Variants in STK3 observed in about 807,000 individuals in gnomAD.
STK3 encodes serine/threonine kinase 3.
Under a neutral mutation model 58.0 loss-of-function variants are expected in STK3, and 41 were observed. That is an observed-to-expected ratio of 0.71 (90% CI 0.55 to 0.92). The LOEUF is 0.92. Ranked by LOEUF, STK3 falls within the 40% of genes least tolerant of loss-of-function variation. The pLI, the probability that STK3 is intolerant of heterozygous loss-of-function variation, is 0.00. For synonymous variants in STK3, 170 were observed against 191.0 expected (o/e 0.89, Z 0.91); for missense variants, 479 against 602.7 (o/e 0.79, Z 2.15).
At chr8:98,524,662 G>A (rs1437020838) in intron 10 of STK3, among the ~76,000 whole-genome samples, 1 of 152,166 alleles carries the variant, frequency 6.6e-6, no homozygotes, top group African/African-American at 2.4e-5. Context: ...TTACAACCTT[G>A]TTTTCACCTT....
chr8:98,442,824 A>G (rs1818745939), intron 1 of STK3, among the ~76,000 whole-genome samples: 1 of 152,212 alleles, frequency 6.6e-6, no homozygotes, highest in Non-Finnish European at 1.5e-5. Context: ...TCAACACCTC[A>G]ACTGAGGATT....
At chr8:98,532,249 C>G (rs1826217492) in intron 9 of STK3, among the ~76,000 whole-genome samples, 1 of 152,082 alleles carries the variant, frequency 6.6e-6, no homozygotes, top group African/African-American at 2.4e-5. Context: ...CACATAGAGG[C>G]CATTGCAGGG....
Position 98,372,449 on chromosome 8 carries a change from G to A in STK3, n.112-771C>T, listed in dbSNP as rs769857210. Among the ~76,000 whole-genome samples, 14 of 152,094 alleles carry A rather than the reference G, an allele frequency of 9.2e-5. 1 individual carries two copies. Among genetic ancestry groups the A allele is most frequent in the African/African-American group, 2.7e-4 (11 of 41,418 alleles). ...CCTCCACCCACTCCTGTGAGACGAC[G>A]CAGACTTCAGCTCCAAACCCAGCTC... is the stretch of plus-strand genomic sequence containing the variant. On this transcript the variant is annotated intron_variant and non_coding_transcript_variant, in intron 2 of 2. Coordinates refer to the STK3 transcript ENST00000518704.
chr8:98,759,170 T>G (rs1005483766), intron 3 of STK3, among the ~76,000 whole-genome samples: 4 of 152,256 alleles, frequency 2.6e-5, no homozygotes, highest in Admixed American at 2.6e-4. Context: ...GCTTTCAGCT[T>G]ATTTCGGCTT....
chr8:98,862,299 C>T (rs531025698), intron 3 of STK3, among the ~76,000 whole-genome samples: 1 of 152,282 alleles, frequency 6.6e-6, no homozygotes, highest in African/African-American at 2.4e-5. Context: ...ACATTGGTTT[C>T]AAGGGTGTTA....
At chr8:98,648,218 A>G (rs1419609529) in intron 6 of STK3, among the ~76,000 whole-genome samples, 1 of 152,194 alleles carries the variant, frequency 6.6e-6, no homozygotes. Context: ...TTGTCCCCAT[A>G]TATGCTCCTT....
chr8:98,803,607 AAG>A lies in STK3; in HGVS notation c.26+21906_26+21907del, dbSNP rs1464821914. On this transcript the variant is annotated intron_variant, in intron 1 of 10. Transcript: ENST00000419617. ...AGACTCTGTTTCAAAAAAAAAAAAA[AAG>A]AAAAAAAAAGAAAAGAAATAGTAAA... is the stretch of plus-strand genomic sequence containing the variant. 2.1e-3 allele frequency among the ~76,000 whole-genome samples: 277 copies of A among 129,084 alleles called. 8 individuals carry two copies. The highest frequency in any genetic ancestry group is 0.011 in the South Asian group (47 of 4,140). 84.7% of individuals were successfully genotyped at this position (129,084 alleles called of 152,430 possible).
At chr8:98,446,804 A>T (rs1818970145) in intron 1 of STK3, among the ~76,000 whole-genome samples, 1 of 152,178 alleles carries the variant, frequency 6.6e-6, no homozygotes, top group African/African-American at 2.4e-5. Context: ...TCATTGCTGC[A>T]TCACTCACAA....
At chr8:98,807,989 T>C (rs886237277) in intron 1 of STK3, among the ~76,000 whole-genome samples, 1 of 152,180 alleles carries the variant, frequency 6.6e-6, no homozygotes, top group African/African-American at 2.4e-5. Flanking sequence ...TAGAAACAGA[T>C]TTTTAAACTG....
chr8:98,825,131 A>G (rs1291352292), intron 1 of STK3, among the ~76,000 whole-genome samples: 1 of 152,238 alleles, frequency 6.6e-6, no homozygotes, highest in Non-Finnish European at 1.5e-5. Context: ...TCTTGCATCC[A>G]TAAATACTTT....
chr8:98,714,012 A>G (rs1319289117), intron 4 of STK3, among the ~76,000 whole-genome samples: 1 of 152,222 alleles, frequency 6.6e-6, no homozygotes, highest in East Asian at 1.9e-4. Context: ...GCATATAAAC[A>G]GAACCAAAGA....
intron 4 of STK3, among the ~76,000 whole-genome samples, chr8:98,733,109 A>G (rs1828326856): frequency 6.6e-6 from 1 of 152,188 alleles, no homozygotes; most frequent in African/African-American, 2.4e-5. Flanking sequence ...CTCTTCCAAG[A>G]TGTTCTTTGC....
At chr8:98,741,728 C>G (rs979292730) in intron 4 of STK3, among the ~76,000 whole-genome samples, 5 of 151,896 alleles carry the variant, frequency 3.3e-5, no homozygotes, top group Admixed American at 6.6e-5. Context: ...TAGCAGAAGG[C>G]AAGAAATAAC....
At chr8:98,477,499 G>T (rs1278265249) in intron 10 of STK3, among the ~76,000 whole-genome samples, 2 of 151,652 alleles carry the variant, frequency 1.3e-5, no homozygotes, top group Non-Finnish European at 2.9e-5. Flanking sequence ...GAGAATTAAG[G>T]GTTCCTGAGC....
chr8:98,667,620 G>C (rs968256378), intron 6 of STK3, among the ~76,000 whole-genome samples: 1 of 151,888 alleles, frequency 6.6e-6, no homozygotes, highest in Non-Finnish European at 1.5e-5. Context: ...TGTATAAAAG[G>C]CAAGTCAAAA....
At chr8:98,871,112 A>T (rs1587780027) in intron 3 of STK3, among the ~76,000 whole-genome samples, 1 of 152,116 alleles carries the variant, frequency 6.6e-6, no homozygotes, top group African/African-American at 2.4e-5. Flanking sequence ...TCCTTTCCCC[A>T]TTTCTTGTTT....
intron 6 of STK3, among the ~76,000 whole-genome samples, chr8:98,623,487 A>G (rs1818483550): frequency 6.6e-6 from 1 of 152,242 alleles, no homozygotes; most frequent in Non-Finnish European, 1.5e-5. Context: ...GTGTACATTC[A>G]AAACCAAAGG....
At chr8:98,857,914 C>T (rs1053765286) in intron 3 of STK3, among the ~76,000 whole-genome samples, 1 of 151,662 alleles carries the variant, frequency 6.6e-6, no homozygotes, top group Non-Finnish European at 1.5e-5. Context: ...AGAAGCAAAA[C>T]TGGAGAAAGG....
chr8:98,586,351 T>C (rs1017557169), intron 7 of STK3, among the ~76,000 whole-genome samples: 1 of 152,128 alleles, frequency 6.6e-6, no homozygotes, highest in African/African-American at 2.4e-5. Flanking sequence ...TCTAATGAGA[T>C]AATCATGTGG....
Sources: gnomAD v4.1 joint callset for allele counts (sites outside exome capture counted in the v4.1 genomes callset) on GRCh38, gnomAD v4.1.1 for gene constraint, MANE v1.5 for transcripts, NCBI Gene and HGNC (gene_info 2026-07-23, HGNC 2026-07-21) for gene names.